Variants in ANKRD30B observed in about 807,000 individuals in gnomAD.
ANKRD30B encodes the protein ankyrin repeat domain-containing protein 30B.
A neutral mutation model predicts 202.2 loss-of-function variants in ANKRD30B; 144 were observed. That is an observed-to-expected ratio of 0.71 (90% CI 0.62 to 0.82). The LOEUF (loss-of-function observed/expected upper bound fraction) is 0.82, where lower values mean the gene tolerates loss of function less well. Ranked by LOEUF, ANKRD30B falls within the 40% of genes least tolerant of loss-of-function variation. The pLI, the probability that ANKRD30B is intolerant of heterozygous loss-of-function variation, is 0.00. For synonymous variants in ANKRD30B, 508 were observed against 561.3 expected (o/e 0.91, Z 1.34); for missense variants, 1,487 against 1,669.1 (o/e 0.89, Z 1.90).
In ANKRD30B at chr18:14,799,253, A is replaced by T; in HGVS notation, c.2089A>T (p.Asn697Tyr). 1 of 1,556,230 alleles carries T rather than the reference A, an allele frequency of 6.4e-7. No homozygotes were observed. Among genetic ancestry groups the T allele is most frequent in the Non-Finnish European group, 8.7e-7 (1 of 1,152,526 alleles). Residue 697 changes from asparagine (N) to tyrosine (Y), a missense_variant, in exon 22 of 44, where the codon AAT (asparagine) becomes TAT (tyrosine). By Grantham distance (143) the Asn-to-Tyr change is moderately radical (BLOSUM62 -2). This residue lies in a region of ANKRD30B where 889 missense variants were observed against 841.4 expected (regional missense o/e 1.06). Coordinates refer to ENST00000690538, the MANE Select transcript of ANKRD30B (RefSeq NM_001367607.2). ...PTCGRKVSLPNKALELKDRET... is the reference protein window; with the variant it reads ...PTCGRKVSLPYKALELKDRET... ...CTGTGGAAGGAAAGTTTCTCTTCCAAATAAAGCTTTAGAATTGAAGGACAG... is the reference window on the plus strand; with the variant it reads ...CTGTGGAAGGAAAGTTTCTCTTCCATATAAAGCTTTAGAATTGAAGGACAG...
chr18:14,918,623 T>C, the ANKRD30B span, among the ~76,000 whole-genome samples: 1 of 152,060 alleles, frequency 6.6e-6, no homozygotes, highest in Non-Finnish European at 1.5e-5. Context: ...ACCCAGGGAA[T>C]GCAGTGGAGG....
In ANKRD30B at chr18:14,808,652, G is replaced by T; in HGVS notation, c.2314-20G>T. ...AAGTATACATTATATATTAATTTTTGTGTTTCCAAACCCATTTAGCCTACC... is the reference window on the plus strand; with the variant it reads ...AAGTATACATTATATATTAATTTTTTTGTTTCCAAACCCATTTAGCCTACC... On this transcript the variant is annotated intron_variant, in intron 25 of 43. Coordinates refer to ENST00000690538, the MANE Select transcript of ANKRD30B (RefSeq NM_001367607.2). 1.9e-6 allele frequency: 3 copies of T among 1,546,044 alleles called. No individual in the cohort carries two copies. In the South Asian group the frequency reaches 3.6e-5, roughly 19 times the overall value.
chr18:14,921,066 G>C, the ANKRD30B span, among the ~76,000 whole-genome samples: 52 of 152,220 alleles, frequency 3.4e-4, 1 homozygote, highest in Admixed American at 1.5e-3. Flanking sequence ...GGGGAAGAAA[G>C]GTGGAGCCCA....
chr18:14,796,139 C>T (rs1310485490), intron 16 of ANKRD30B, 82 bp from the exon 17 acceptor site: 3 of 1,378,466 alleles, frequency 2.2e-6, no homozygotes, highest in Non-Finnish European at 2.1e-6. Context: ...GAGGATTCAT[C>T]TTCATATTCA....
At position 14,796,402 on chromosome 18, in the gene ANKRD30B, A is replaced by G. The variant is rs878990308; in HGVS notation, c.1914A>G (p.Glu638=). ...AAGCCTTAGAATTAAAGGACAGAGA[A>G]ACATTCAAAGCAGGTAAATTTTGTA... is the stretch of plus-strand genomic sequence containing the variant. ...PNKALELKDR[E]TFKAESPDKD... The change falls in exon 18 of 44, where the codon GAA becomes GAG. Residue 638 remains glutamate (E), a synonymous_variant. Transcript: ENST00000690538. The G allele has an allele frequency of 6.4e-7, 1 of 1,554,164 alleles. No homozygotes were observed. The highest frequency in any genetic ancestry group is 1.2e-5 in the South Asian group (1 of 84,598).
At chr18:14,761,429 A>G (rs1465641693) in intron 6 of ANKRD30B, among the ~76,000 whole-genome samples, 1 of 150,450 alleles carries the variant, frequency 6.6e-6, no homozygotes, top group Non-Finnish European at 1.5e-5. Flanking sequence ...TGGTCACCCC[A>G]CCCCAGGAGA....
At chr18:14,938,350 CAGA>C in the ANKRD30B span, among the ~76,000 whole-genome samples, 2 of 152,220 alleles carry the variant, frequency 1.3e-5, no homozygotes, top group African/African-American at 2.4e-5. Context: ...ACAGTCTCAA[CAGA>C]AGAAGGATGA....
intron 26 of ANKRD30B, 129 bp from the exon 27 acceptor site, chr18:14,809,857 C>T (rs1352185325): frequency 1.1e-6 from 1 of 931,918 alleles, no homozygotes; most frequent in Non-Finnish European, 1.7e-6. Flanking sequence ...CCCAAAAGAC[C>T]CCAAAACCTA....
At chr18:14,847,632 C>T (rs1443414907) in intron 39 of ANKRD30B, among the ~76,000 whole-genome samples, 1 of 149,870 alleles carries the variant, frequency 6.7e-6, no homozygotes, top group Non-Finnish European at 1.5e-5. Context: ...TATTGCTTTA[C>T]TTATCTTCTT....
the ANKRD30B span, among the ~76,000 whole-genome samples, chr18:14,879,124 G>A: frequency 6.6e-6 from 1 of 152,144 alleles, no homozygotes; most frequent in African/African-American, 2.4e-5. Flanking sequence ...GACCTTGCGG[G>A]CACTGCCTCG....
chr18:14,786,044 CAAAAAAAAA>C (rs10572502), intron 14 of ANKRD30B, among the ~76,000 whole-genome samples: 1 of 72,714 alleles, frequency 1.4e-5, no homozygotes, highest in African/African-American at 6.1e-5. Context: ...GACTCCGTCT[CAAAAAAAAA>C]AAAAAAAAAA....
At chr18:14,773,485 T>C (rs1019740876) in intron 9 of ANKRD30B, among the ~76,000 whole-genome samples, 9 of 152,194 alleles carry the variant, frequency 5.9e-5, no homozygotes, top group African/African-American at 2.2e-4. Context: ...TTCAAAAATA[T>C]GGCTTAAATT....
chr18:14,879,379 G>T, the ANKRD30B span, among the ~76,000 whole-genome samples: 1 of 152,024 alleles, frequency 6.6e-6, no homozygotes, highest in Non-Finnish European at 1.5e-5. Context: ...CCCAAAATAT[G>T]ACACCCCCAT....
At chr18:14,810,916 C>A (rs550500156) in intron 28 of ANKRD30B, among the ~76,000 whole-genome samples, 1 of 151,136 alleles carries the variant, frequency 6.6e-6, no homozygotes, top group Non-Finnish European at 1.5e-5. Context: ...GAGTCGCAGA[C>A]GAGCCTGGTC....
At chr18:14,907,735 G>A in the ANKRD30B span, among the ~76,000 whole-genome samples, 133 of 152,252 alleles carry the variant, frequency 8.7e-4, 1 homozygote, top group South Asian at 0.011. Context: ...CCTCCCAAGC[G>A]TCCTGGCAGG....
chr18:14,755,254 C>A (rs1371325025), intron 4 of ANKRD30B, among the ~76,000 whole-genome samples: 1 of 151,956 alleles, frequency 6.6e-6, no homozygotes, highest in Non-Finnish European at 1.5e-5. Context: ...ATTTTGGTTG[C>A]ATTATTTTCT....
chr18:14,760,745 GGT>G (rs370636710), intron 6 of ANKRD30B, 127 bp downstream of exon 6: 139 of 610,574 alleles, frequency 2.3e-4, no homozygotes, highest in South Asian at 3.9e-4. Flanking sequence ...CATATATGTG[GGT>G]GTGTGTGTGT....
chr18:14,784,559 C>A (rs761449428), intron 14 of ANKRD30B, 24 bp downstream of exon 14: 1 of 1,595,866 alleles, frequency 6.3e-7, no homozygotes, highest in Non-Finnish European at 8.6e-7. Flanking sequence ...TTTAACTATG[C>A]AAAGATGAAT....
At chr18:14,818,582 T>A (rs9748272) in intron 30 of ANKRD30B, among the ~76,000 whole-genome samples, 146,756 of 147,538 alleles carry the variant, frequency 0.99, 72,994 homozygotes, top group Middle Eastern at 1. Context: ...TCATTGTTCA[T>A]TTCCCACCTA....
Sources: allele counts gnomAD v4.1 joint callset (sites outside exome capture counted in the v4.1 genomes callset), GRCh38; gene constraint gnomAD v4.1.1; regional missense constraint gnomAD v4.1.1; transcripts MANE v1.5; gene names NCBI Gene and HGNC (gene_info 2026-07-23, HGNC 2026-07-21).